OPCML: variants seen among roughly 807,000 people sequenced by gnomAD.
OPCML encodes opioid-binding protein/cell adhesion molecule.
Under a neutral mutation model 37.8 loss-of-function variants are expected in OPCML, and 13 were observed. That is an observed-to-expected ratio of 0.34 (90% confidence interval 0.22 to 0.55). The LOEUF (loss-of-function observed/expected upper bound fraction) is 0.55, where lower values mean the gene tolerates loss of function less well. Ranked by LOEUF, OPCML falls within the 20% of genes least tolerant of loss-of-function variation. The pLI is 0.91. For missense variants in OPCML, 341 were observed against 435.6 expected, an observed-to-expected ratio of 0.78 and a Z score of 1.93; for synonymous variants, 176 against 168.8, an observed-to-expected ratio of 1.04 and a Z score of -0.33.
At chr11:132,925,774 G>A (rs1944969217) in intron 2 of OPCML, among the ~76,000 whole-genome samples, 1 of 152,142 alleles carries the variant, frequency 6.6e-6, no homozygotes, top group African/African-American at 2.4e-5. Flanking sequence ...ACGGATCTGA[G>A]AAGAATTGTT....
intron 1 of OPCML, among the ~76,000 whole-genome samples, chr11:133,230,298 G>C (rs1379645193): frequency 6.6e-6 from 1 of 152,178 alleles, no homozygotes; most frequent in Non-Finnish European, 1.5e-5. Context: ...TGGGGCTCAT[G>C]GGCAGAGGTA....
chr11:132,732,880 A>G (rs988488935), intron 2 of OPCML, among the ~76,000 whole-genome samples: 1 of 152,138 alleles, frequency 6.6e-6, no homozygotes, highest in Non-Finnish European at 1.5e-5. Context: ...TACCTGAAGA[A>G]CAGAAGGCAA....
At chr11:133,471,359 G>T (rs1227536491) in intron 1 of OPCML, among the ~76,000 whole-genome samples, 1 of 152,230 alleles carries the variant, frequency 6.6e-6, no homozygotes, top group African/African-American at 2.4e-5. Context: ...TGATCTCCAA[G>T]AAATGTTGGT....
At chr11:132,924,218 G>C (rs1227632691) in intron 2 of OPCML, among the ~76,000 whole-genome samples, 1 of 152,080 alleles carries the variant, frequency 6.6e-6, no homozygotes, top group Non-Finnish European at 1.5e-5. Context: ...TAAAGAGTCA[G>C]CTACACCTGT....
chr11:133,484,001 A>C lies in OPCML; in HGVS notation c.61+48263T>G, dbSNP rs559200288. Among the ~76,000 whole-genome samples, 279 of 149,648 alleles carry C rather than the reference A, an allele frequency of 1.9e-3. 1 individual carries two copies. The highest frequency in any genetic ancestry group is 6.6e-3 in the African/African-American group (263 of 39,746). On this transcript the variant is annotated intron_variant, in intron 1 of 7. Coordinates refer to ENST00000524381, the MANE Select transcript of OPCML (RefSeq NM_001012393.5). ...GATAGAAAGATAGCTAGCTAGCTAG[A>C]TAGATAGATAGACAAATAGATGGAC...
chr11:132,435,241 G>A (rs1389120546), intron 7 of OPCML: 2 of 1,289,650 alleles, frequency 1.6e-6, no homozygotes, highest in Admixed American at 2.3e-5. Context: ...AAAAGACATA[G>A]ATCACACATT....
chr11:133,495,608 A>C (rs1947768889), intron 1 of OPCML, among the ~76,000 whole-genome samples: 1 of 152,192 alleles, frequency 6.6e-6, no homozygotes, highest in African/African-American at 2.4e-5. Flanking sequence ...TGCAAAAGTA[A>C]GGTGGTATCG....
intron 2 of OPCML, among the ~76,000 whole-genome samples, chr11:132,675,050 G>T (rs890359207): frequency 6.6e-6 from 1 of 151,934 alleles, no homozygotes; most frequent in Non-Finnish European, 1.5e-5. Flanking sequence ...CCTACAGAAA[G>T]ACAGGCCATC....
chr11:132,713,755 A>G (rs1057256908), intron 2 of OPCML, among the ~76,000 whole-genome samples: 1 of 152,184 alleles, frequency 6.6e-6, no homozygotes, highest in African/African-American at 2.4e-5. Context: ...CAGGAAAAAG[A>G]GTTATCCAGG....
intron 1 of OPCML, among the ~76,000 whole-genome samples, chr11:133,033,832 G>A (rs577373553): frequency 8.5e-5 from 13 of 152,152 alleles, no homozygotes; most frequent in African/African-American, 2.7e-4. Context: ...ATGTGGTCAC[G>A]GGTATCAACT....
At chr11:132,629,408 A>T (rs1939954696) in intron 3 of OPCML, among the ~76,000 whole-genome samples, 1 of 152,210 alleles carries the variant, frequency 6.6e-6, no homozygotes, top group South Asian at 2.1e-4. Context: ...TATTGTCTTT[A>T]GTTTCTACTT....
intron 1 of OPCML, among the ~76,000 whole-genome samples, chr11:133,222,856 G>A (rs771196811): frequency 2.6e-5 from 4 of 152,252 alleles, no homozygotes; most frequent in Admixed American, 6.5e-5. Flanking sequence ...AATCAAACAC[G>A]GGCTCTGCAG....
intron 1 of OPCML, among the ~76,000 whole-genome samples, chr11:133,347,024 T>A (rs1944019190): frequency 3.9e-5 from 6 of 152,220 alleles, no homozygotes; most frequent in Admixed American, 3.9e-4. Flanking sequence ...GTGCATAGTG[T>A]TTGAAATTGA....
chr11:132,451,864 G>A (rs1038676510), intron 4 of OPCML, among the ~76,000 whole-genome samples: 3 of 152,140 alleles, frequency 2.0e-5, no homozygotes, highest in Admixed American at 6.5e-5. Flanking sequence ...TGTTATCAAC[G>A]CAGTAACTTT....
chr11:133,531,387 A>G (rs1255484447), intron 1 of OPCML, among the ~76,000 whole-genome samples: 1 of 152,214 alleles, frequency 6.6e-6, no homozygotes, highest in Admixed American at 6.5e-5. Context: ...GATCACATTT[A>G]AATCATTAGA....
At chr11:133,408,338 G>A (rs1235567334) in intron 1 of OPCML, among the ~76,000 whole-genome samples, 3 of 152,180 alleles carry the variant, frequency 2.0e-5, no homozygotes, top group African/African-American at 4.8e-5. Context: ...AGGAATAAAC[G>A]TTTCTGCAGT....
chr11:133,414,472 G>T (rs570977815), intron 1 of OPCML, among the ~76,000 whole-genome samples: 63 of 152,214 alleles, frequency 4.1e-4, no homozygotes, highest in African/African-American at 1.4e-3. Context: ...GTATCAGACC[G>T]AGACCTAGTG....
chr11:132,540,444 G>C (rs1215287020), intron 3 of OPCML, among the ~76,000 whole-genome samples: 1 of 152,128 alleles, frequency 6.6e-6, no homozygotes, highest in African/African-American at 2.4e-5. Context: ...GATCCAGTGG[G>C]GCAGCCAGCA....
intron 2 of OPCML, among the ~76,000 whole-genome samples, chr11:132,688,779 TAAAAAAA>T (rs531036340): frequency 1.1e-4 from 4 of 35,254 alleles, no homozygotes; most frequent in Non-Finnish European, 1.7e-4. Context: ...CCGTCTCTAC[TAAAAAAA>T]AAAAATACAA....
Sources: allele counts gnomAD v4.1 joint callset (sites outside exome capture counted in the v4.1 genomes callset), GRCh38; gene constraint gnomAD v4.1.1; transcripts MANE v1.5; gene names NCBI Gene and HGNC (gene_info 2026-07-23, HGNC 2026-07-21).